Variants in NAALADL2 observed in about 807,000 individuals in gnomAD.
NAALADL2 encodes the protein N-acetylated alpha-linked acidic dipeptidase like 2, also known as inactive N-acetylated-alpha-linked acidic dipeptidase-like protein 2.
In NAALADL2, 76 loss-of-function variants were observed where a neutral mutation model predicts 87.2. The ratio of observed to expected loss-of-function variants is 0.87; its 90% confidence interval spans 0.72 to 1.05. NAALADL2 has a LOEUF of 1.05. NAALADL2 is among the 50% of genes least tolerant of loss of function. The probability of loss-of-function intolerance (pLI) is 0.00; values close to 1 mark genes in which losing one functional copy is unlikely to be tolerated. For synonymous variants in NAALADL2, 354 were observed against 331.0 expected, an observed-to-expected ratio of 1.07 and a Z score of -0.75; for missense variants, 1,089 against 945.8, an observed-to-expected ratio of 1.15 and a Z score of -1.99.
chr3:175,684,648 A>G (rs1369471314), intron 11 of NAALADL2, among the ~76,000 whole-genome samples: 1 of 151,974 alleles, frequency 6.6e-6, no homozygotes, highest in African/African-American at 2.4e-5. Context: ...ACAAACAAAC[A>G]AATAAATAGT....
At chr3:175,590,149 T>C (rs1043181925) in intron 10 of NAALADL2, among the ~76,000 whole-genome samples, 4 of 121,966 alleles carry the variant, frequency 3.3e-5, no homozygotes, top group Non-Finnish European at 5.4e-5. Context: ...GAGGTGGAGC[T>C]GGCAGTGAGC....
intron 1 of NAALADL2, among the ~76,000 whole-genome samples, chr3:174,918,707 A>G (rs926633465): frequency 2.6e-5 from 4 of 152,206 alleles, no homozygotes; most frequent in Non-Finnish European, 4.4e-5. Flanking sequence ...TTTCAGAACT[A>G]GCACACTAAT....
At chr3:174,624,728 C>A (rs1560101164) in intron 2 of NAALADL2, among the ~76,000 whole-genome samples, 1 of 151,974 alleles carries the variant, frequency 6.6e-6, no homozygotes, top group Non-Finnish European at 1.5e-5. Flanking sequence ...ATTGCAAGCT[C>A]TAAAAGGTAG....
chr3:175,803,147 G>A lies in NAALADL2; in HGVS notation c.2332G>A (p.Val778Ile), dbSNP rs1050554945. The change falls in exon 14 of 14, where the codon GTT (valine) becomes ATT (isoleucine). Residue 778 changes from valine to isoleucine, a missense_variant. By Grantham distance (29) the Val-to-Ile change is conservative. Coordinates refer to ENST00000454872, the MANE Select transcript of NAALADL2 (RefSeq NM_207015.3). The stretch of plus-strand genomic sequence containing the variant: ...GTTGAACAGCATTAATTCAGCTCAG[G>A]TTTACTTCAAAGCAGGACTTGATGT... Reference protein sequence around the residue: ...EVLNSINSAQVYFKAGLDVFK... With the variant: ...EVLNSINSAQIYFKAGLDVFK... 1 of 1,612,198 alleles carries A rather than the reference G, an allele frequency of 6.2e-7. No individual in the cohort carries two copies. The highest frequency in any genetic ancestry group is 8.5e-7 in the Non-Finnish European group (1 of 1,178,900).
At position 174,453,750 on chromosome 3, in the gene NAALADL2, C is replaced by T. The variant is rs985819241; in HGVS notation, c.-184+12718C>T. ...TATTGTCAGACCTGCTTTACAAGAG[C>T]TCCTAAAGGAAGCACTACATGCAGA... On this transcript the variant is annotated intron_variant, in intron 1 of 3. Transcript: ENST00000434257. Among the ~76,000 whole-genome samples the T allele has an allele frequency of 2.6e-5, 4 of 152,184 alleles. No homozygotes were observed. In the East Asian group the frequency reaches 7.7e-4, roughly 29 times the overall value.
At chr3:175,501,862 T>C (rs372738060) in intron 9 of NAALADL2, among the ~76,000 whole-genome samples, 4 of 152,180 alleles carry the variant, frequency 2.6e-5, no homozygotes, top group South Asian at 2.1e-4. Context: ...CTGTGAACTT[T>C]AGTAGTTTTA....
intron 1 of NAALADL2, among the ~76,000 whole-genome samples, chr3:175,057,568 G>C (rs1449453873): frequency 2.0e-5 from 3 of 152,182 alleles, no homozygotes; most frequent in Non-Finnish European, 4.4e-5. Flanking sequence ...GGAACAGACT[G>C]TTGGCTGCCA....
At chr3:174,882,769 GTGTATATATA>G (rs1729522847) in intron 1 of NAALADL2, among the ~76,000 whole-genome samples, 1 of 141,858 alleles carries the variant, frequency 7.0e-6, no homozygotes, top group Non-Finnish European at 1.5e-5. Flanking sequence ...ATATACACAC[GTGTATATATA>G]CATATGTGTA....
intron 1 of NAALADL2, among the ~76,000 whole-genome samples, chr3:174,474,641 C>A (rs2004301706): frequency 6.6e-6 from 1 of 152,110 alleles, no homozygotes. Context: ...CTTAACTTTT[C>A]TCATTACTTG....
At position 175,300,405 on chromosome 3, in the gene NAALADL2, A is replaced by T. The variant is rs573641289; in HGVS notation, c.940-23770A>T. 2.0e-4 allele frequency among the ~76,000 whole-genome samples: 30 copies of T among 152,272 alleles called. 3 individuals are homozygous for T. In the South Asian group the frequency reaches 6.2e-3, roughly 32 times the overall value. On this transcript the variant is annotated intron_variant, in intron 4 of 13. Coordinates refer to ENST00000454872, the MANE Select transcript of NAALADL2 (RefSeq NM_207015.3). ...GTACCTCTGGTAGAATTCAGCTGTG[A>T]ATCCATCTGGTCTTGGGCTTTTTTT...
chr3:174,512,994 C>G (rs1398843439), intron 1 of NAALADL2, among the ~76,000 whole-genome samples: 1 of 150,860 alleles, frequency 6.6e-6, no homozygotes, highest in Non-Finnish European at 1.5e-5. Context: ...CAGAGTCTCT[C>G]CCTGTTGCCC....
chr3:175,778,836 T>G (rs1440877643), intron 13 of NAALADL2, among the ~76,000 whole-genome samples: 1 of 152,100 alleles, frequency 6.6e-6, no homozygotes, highest in Non-Finnish European at 1.5e-5. Flanking sequence ...GAGGCAAAAT[T>G]TATTCTCTAC....
chr3:175,312,748 G>T (rs1329600771), intron 4 of NAALADL2, among the ~76,000 whole-genome samples: 1 of 152,102 alleles, frequency 6.6e-6, no homozygotes, highest in Non-Finnish European at 1.5e-5. Context: ...TGGATAAAGA[G>T]AATTATAGTA....
At chr3:175,102,914 C>T (rs944746594) in intron 2 of NAALADL2, among the ~76,000 whole-genome samples, 1 of 152,012 alleles carries the variant, frequency 6.6e-6, no homozygotes, top group African/African-American at 2.4e-5. Flanking sequence ...TTGAGACCAT[C>T]CTGGCCAACA....
At chr3:175,181,580 AC>A (rs1736478218) in intron 2 of NAALADL2, among the ~76,000 whole-genome samples, 1 of 150,716 alleles carries the variant, frequency 6.6e-6, no homozygotes, top group African/African-American at 2.4e-5. Flanking sequence ...GTCTTTCTGT[AC>A]CTGGCTTATT....
intron 11 of NAALADL2, among the ~76,000 whole-genome samples, chr3:175,654,849 A>G (rs1008545159): frequency 9.9e-5 from 15 of 152,050 alleles, no homozygotes; most frequent in Non-Finnish European, 8.8e-5. Context: ...TTACCAGGGA[A>G]CCTGTGTATA....
intron 11 of NAALADL2, among the ~76,000 whole-genome samples, chr3:175,655,088 A>G (rs1000807228): frequency 6.6e-5 from 10 of 152,138 alleles, no homozygotes. Context: ...ATTACAGTTA[A>G]TTTGATGTAG....
intron 2 of NAALADL2, among the ~76,000 whole-genome samples, chr3:174,718,972 G>C (rs962511791): frequency 1.3e-5 from 2 of 151,958 alleles, no homozygotes; most frequent in Admixed American, 6.6e-5. Context: ...CCTGCTTCTG[G>C]TTGTTCTTGA....
chr3:175,267,361 G>A lies in NAALADL2; in HGVS notation c.939+10831G>A, dbSNP rs1435950963. Among the ~76,000 whole-genome samples the A allele has an allele frequency of 1.3e-5, 2 of 151,896 alleles. 1 individual carries two copies. The highest frequency in any genetic ancestry group is 4.2e-4 in the South Asian group (2 of 4,814). ...AAAAATAAGGAACACACCCTAATAA[G>A]GCAAATGCTTAGTTGTACCCAATTA... On this transcript the variant is annotated intron_variant, in intron 4 of 13. Transcript: ENST00000454872.
Sources: gnomAD v4.1 joint callset for allele counts (sites outside exome capture counted in the v4.1 genomes callset) on GRCh38, gnomAD v4.1.1 for gene constraint, MANE v1.5 for transcripts, NCBI Gene and HGNC (gene_info 2026-07-23, HGNC 2026-07-21) for gene names.